Variants in GRIA4 observed in about 807,000 individuals in gnomAD.
GRIA4 encodes the protein glutamate ionotropic receptor AMPA type subunit 4.
In GRIA4, 34 loss-of-function variants were observed where a neutral mutation model predicts 104.0. The ratio of observed to expected loss-of-function variants is 0.33; its 90% CI spans 0.25 to 0.44. GRIA4 has a LOEUF of 0.44. GRIA4 is among the 20% of genes least tolerant of loss of function. The probability of loss-of-function intolerance (pLI) is 1.00; values close to 1 mark genes in which losing one functional copy is unlikely to be tolerated. For missense variants in GRIA4, 750 were observed against 1,096.5 expected, an observed-to-expected ratio of 0.68 and a Z score of 4.46; for synonymous variants, 386 against 381.9, an observed-to-expected ratio of 1.01 and a Z score of -0.13.
In GRIA4 at chr11:105,908,110, G is replaced by A. The variant is rs185061726; in HGVS notation, c.1159-2325G>A. ...AGTAGAACAGGAGCTCCTCACAGCC[G>A]CTCAGTCCCTATCTGTTCTCTATGT... On this transcript the variant is annotated intron_variant, in intron 9 of 16. Transcript: ENST00000282499. 3.9e-5 allele frequency among the ~76,000 whole-genome samples: 6 copies of A among 152,164 alleles called. No individual in the cohort carries two copies. In the East Asian group the frequency reaches 5.8e-4, roughly 15 times the overall value.
At chr11:105,627,041 G>A (rs1950903466) in intron 3 of GRIA4, among the ~76,000 whole-genome samples, 1 of 152,144 alleles carries the variant, frequency 6.6e-6, no homozygotes. Flanking sequence ...GAATGATACA[G>A]GAAAACACTG....
At chr11:105,678,512 A>G (rs558843417) in intron 3 of GRIA4, among the ~76,000 whole-genome samples, 18 of 152,234 alleles carry the variant, frequency 1.2e-4, no homozygotes, top group Middle Eastern at 3.4e-3. Flanking sequence ...TGAATGAAAT[A>G]CATTTTTTGA....
intron 3 of GRIA4, among the ~76,000 whole-genome samples, chr11:105,752,444 C>G (rs1312824924): frequency 6.6e-6 from 1 of 152,084 alleles, no homozygotes; most frequent in Non-Finnish European, 1.5e-5. Context: ...GAAATTGCCA[C>G]AGCAAGCAAA....
intron 14 of GRIA4, among the ~76,000 whole-genome samples, chr11:105,962,092 TA>T (rs1431626629): frequency 6.6e-6 from 1 of 152,232 alleles, no homozygotes; most frequent in African/African-American, 2.4e-5. Flanking sequence ...TAAAACTTTT[TA>T]AATTTGCCCT....
At chr11:105,772,314 A>C (rs1941246047) in intron 4 of GRIA4, among the ~76,000 whole-genome samples, 1 of 152,180 alleles carries the variant, frequency 6.6e-6, no homozygotes, top group African/African-American at 2.4e-5. Context: ...ACATTACAAG[A>C]AAAATTTGGA....
rs1395208530 is a variant in GRIA4 at position 105,630,381 on chromosome 11, T to C, written c.247+17947T>C. 2.0e-5 allele frequency among the ~76,000 whole-genome samples: 3 copies of C among 146,920 alleles called. No individual in the cohort carries two copies. In the East Asian group the frequency reaches 6.1e-4, roughly 30 times the overall value. ...GAGTTCAAGACCAGCCTGACTGACA[T>C]GGTGAGACCCCGTCTCTACTACAAA... On this transcript the variant is annotated intron_variant, in intron 3 of 16. Transcript: ENST00000282499.
chr11:105,973,492 TC>T (rs1858806126), intron 15 of GRIA4, among the ~76,000 whole-genome samples: 2 of 152,222 alleles, frequency 1.3e-5, no homozygotes, highest in Admixed American at 1.3e-4. Flanking sequence ...AAATAATATC[TC>T]TAAAATATTA....
chr11:105,800,859 G>A (rs1444754956), intron 4 of GRIA4, among the ~76,000 whole-genome samples: 1 of 151,884 alleles, frequency 6.6e-6, no homozygotes, highest in Non-Finnish European at 1.5e-5. Context: ...CCATGAATGA[G>A]CTTCTTAATA....
chr11:105,780,632 G>A (rs7935989), intron 4 of GRIA4, among the ~76,000 whole-genome samples: 5,223 of 152,108 alleles, frequency 0.034, 296 homozygotes, highest in African/African-American at 0.12. Flanking sequence ...AATTATTATT[G>A]CTGAAAGATA....
At chr11:105,614,273 A>C (rs1950546437) in intron 3 of GRIA4, 1 of 151,722 alleles carries the variant, frequency 6.6e-6, no homozygotes, top group Admixed American at 6.6e-5. Flanking sequence ...TAAGATCTTA[A>C]ATATTCTAAA....
At chr11:105,844,880 G>A (rs189363045) in intron 4 of GRIA4, among the ~76,000 whole-genome samples, 12 of 152,260 alleles carry the variant, frequency 7.9e-5, no homozygotes, top group African/African-American at 2.2e-4. Flanking sequence ...AGGCTTCTGC[G>A]GTTTATAGAA....
intron 4 of GRIA4, among the ~76,000 whole-genome samples, chr11:105,783,286 A>G (rs1941809187): frequency 6.6e-6 from 1 of 152,232 alleles, no homozygotes. Context: ...ATCTAATAGG[A>G]ACAATTTAAT....
intron 4 of GRIA4, among the ~76,000 whole-genome samples, chr11:105,860,822 G>A (rs1003476332): frequency 6.6e-6 from 1 of 151,878 alleles, no homozygotes; most frequent in African/African-American, 2.4e-5. Flanking sequence ...AGCCAGGTAT[G>A]GTGGCACGCA....
At chr11:105,752,475 G>A (rs534997671) in intron 3 of GRIA4, among the ~76,000 whole-genome samples, 5 of 152,066 alleles carry the variant, frequency 3.3e-5, no homozygotes, top group African/African-American at 7.2e-5. Flanking sequence ...CAATTTAGGC[G>A]GAGTGAAAAC....
intron 14 of GRIA4, among the ~76,000 whole-genome samples, chr11:105,962,971 G>A (rs1424502910): frequency 6.6e-6 from 1 of 152,002 alleles, no homozygotes; most frequent in Non-Finnish European, 1.5e-5. Flanking sequence ...CTTAATCAGG[G>A]CAAGAATACC....
At chr11:105,621,071 A>G (rs1950732270) in intron 3 of GRIA4, among the ~76,000 whole-genome samples, 1 of 151,838 alleles carries the variant, frequency 6.6e-6, no homozygotes, top group Admixed American at 6.6e-5. Context: ...TGTTAGAAAT[A>G]AAAGATAAAA....
chr11:105,665,102 T>C (rs929472017), intron 3 of GRIA4, among the ~76,000 whole-genome samples: 1 of 152,048 alleles, frequency 6.6e-6, no homozygotes, highest in Non-Finnish European at 1.5e-5. Flanking sequence ...ATTTTAACTT[T>C]AGCAATTACT....
intron 2 of GRIA4, 120 bp downstream of exon 2, chr11:105,611,205 T>G: frequency 2.8e-6 from 2 of 720,950 alleles, no homozygotes; most frequent in Non-Finnish European, 2.5e-6. Flanking sequence ...TCCCCTCTGT[T>G]TCCCTCCTCT....
intron 3 of GRIA4, among the ~76,000 whole-genome samples, chr11:105,750,413 C>T (rs959898694): frequency 2.6e-5 from 4 of 151,976 alleles, no homozygotes; most frequent in Non-Finnish European, 5.9e-5. Flanking sequence ...TGACAGAATA[C>T]ATCAGAAGCA....
Sources: allele counts gnomAD v4.1 joint callset (sites outside exome capture counted in the v4.1 genomes callset), GRCh38; gene constraint gnomAD v4.1.1; transcripts MANE v1.5; gene names NCBI Gene and HGNC (gene_info 2026-07-23, HGNC 2026-07-21).